The following NSMAF variants were observed in gnomAD, a reference collection of about 807,000 sequenced individuals.
The protein encoded by NSMAF is neutral sphingomyelinase activation associated factor, also known as protein FAN.
Under a neutral mutation model 134.9 loss-of-function variants are expected in NSMAF, and 90 were observed. The ratio of observed to expected loss-of-function variants is 0.67; its 90% CI spans 0.56 to 0.79. The LOEUF (loss-of-function observed/expected upper bound fraction) is 0.79. Among genes scored for constraint, NSMAF ranks in the 30% least tolerant of loss-of-function variants. The probability of loss-of-function intolerance (pLI) is 0.00; values close to 1 mark genes in which losing one functional copy is unlikely to be tolerated. For synonymous variants in NSMAF, 358 were observed against 389.6 expected (o/e 0.92, Z 0.96); for missense variants, 1,010 against 1,119.0 (o/e 0.90, Z 1.39).
At chr8:58,614,847 C>A (rs1341596100) in intron 9 of NSMAF, among the ~76,000 whole-genome samples, 1 of 152,066 alleles carries the variant, frequency 6.6e-6, no homozygotes, top group African/African-American at 2.4e-5. Context: ...TTAAAACCAG[C>A]TAGTGTATAA....
At chr8:58,615,532 C>T (rs1011114957) in intron 9 of NSMAF, among the ~76,000 whole-genome samples, 3 of 152,090 alleles carry the variant, frequency 2.0e-5, no homozygotes, top group African/African-American at 7.2e-5. Flanking sequence ...TATAAAATAT[C>T]TACTAAAAAT....
chr8:58,637,237 C>T, intron 2 of NSMAF: 1 of 436,290 alleles, frequency 2.3e-6, no homozygotes, highest in South Asian at 1.6e-5. Context: ...TCCTTACTTG[C>T]CAGTATGACA....
chr8:58,659,102 C>A, intron 1 of NSMAF: 2 of 1,155,486 alleles, frequency 1.7e-6, no homozygotes, highest in South Asian at 3.6e-5. Flanking sequence ...TCGGTGCCGC[C>A]CGGCGACCAA....
At chr8:58,625,398 G>A (rs185980798) in intron 6 of NSMAF, among the ~76,000 whole-genome samples, 4 of 73,568 alleles carry the variant, frequency 5.4e-5, no homozygotes, top group Admixed American at 1.1e-4. Context: ...ATATGCATAT[G>A]TATGTATGTA....
chr8:58,586,768 C>T (rs931255859), intron 27 of NSMAF, among the ~76,000 whole-genome samples, 160 bp from the exon 28 acceptor site: 12 of 152,088 alleles, frequency 7.9e-5, no homozygotes, highest in Admixed American at 2.0e-4. Flanking sequence ...CATCATCCTA[C>T]GGAATAACTT....
In NSMAF at chr8:58,586,450, A is replaced by G. The variant is rs373519664; in HGVS notation, c.2446+8T>C. 3 of 1,612,726 alleles carry G rather than the reference A, an allele frequency of 1.9e-6. No individual in the cohort carries two copies. The highest frequency in any genetic ancestry group is 1.3e-5 in the African/African-American group (1 of 74,668). ...AGTATTATCTGTTTTAAAAAGGATA[A>G]TATCTACCTGGGCTAAAAGCAGTGT... On this transcript the variant is annotated splice_region_variant and intron_variant, in intron 28 of 30. Coordinates refer to ENST00000038176, the MANE Select transcript of NSMAF (RefSeq NM_003580.4).
chr8:58,644,988 A>G (rs1193512494), intron 1 of NSMAF, among the ~76,000 whole-genome samples: 2 of 152,124 alleles, frequency 1.3e-5, no homozygotes, highest in Non-Finnish European at 2.9e-5. Context: ...GAGGAGGGAT[A>G]GCATTAGGAG....
intron 23 of NSMAF, among the ~76,000 whole-genome samples, chr8:58,593,064 C>T (rs1806054846): frequency 6.6e-6 from 1 of 152,216 alleles, no homozygotes; most frequent in South Asian, 2.1e-4. Flanking sequence ...AACGATTTAA[C>T]AAGCCATCCC....
chr8:58,658,466 G>A (rs1190457081), intron 1 of NSMAF, among the ~76,000 whole-genome samples: 1 of 152,184 alleles, frequency 6.6e-6, no homozygotes, highest in African/African-American at 2.4e-5. Context: ...TTACAGATTA[G>A]AGAAAGATGA....
intron 21 of NSMAF, among the ~76,000 whole-genome samples, chr8:58,596,444 T>TA (rs1806137268): frequency 6.6e-6 from 1 of 152,146 alleles, no homozygotes; most frequent in South Asian, 2.1e-4. Context: ...TTGTCTTAGG[T>TA]AAAATCTAAA....
At chr8:58,652,913 A>C (rs1807618525) in intron 1 of NSMAF, among the ~76,000 whole-genome samples, 1 of 152,234 alleles carries the variant, frequency 6.6e-6, no homozygotes, top group Non-Finnish European at 1.5e-5. Context: ...GGAAAGAGAA[A>C]ATAATTCCGT....
intron 9 of NSMAF, among the ~76,000 whole-genome samples, chr8:58,614,916 A>G (rs569108108): frequency 8.2e-4 from 125 of 152,294 alleles, no homozygotes; most frequent in African/African-American, 2.9e-3. Context: ...GTCAGAATGC[A>G]TAAAAAGCAA....
chr8:58,624,873 T>G lies in NSMAF; in HGVS notation c.385-1093A>C, dbSNP rs140238260. Among the ~76,000 whole-genome samples, 334 of 152,358 alleles carry G rather than the reference T, an allele frequency of 2.2e-3. 1 individual carries two copies. The highest frequency in any genetic ancestry group is 7.6e-3 in the African/African-American group (317 of 41,590). On this transcript the variant is annotated intron_variant, in intron 6 of 30. Transcript: ENST00000038176. ...ATCTCCTACCATTATTGTGTTGCTA[T>G]CTATTTCTCCCTTCAGTTCTATCAA...
chr8:58,599,633 T>A (rs1222251537), intron 18 of NSMAF, 117 bp downstream of exon 18: 1 of 1,173,994 alleles, frequency 8.5e-7, no homozygotes, highest in Non-Finnish European at 1.2e-6. Flanking sequence ...GGCTCATATA[T>A]CCTTATTTAG....
At chr8:58,592,473 TAGA>T (rs1193482967) in intron 23 of NSMAF, among the ~76,000 whole-genome samples, 2 of 152,182 alleles carry the variant, frequency 1.3e-5, no homozygotes, top group Non-Finnish European at 2.9e-5. Flanking sequence ...TACTGTATAC[TAGA>T]AGAAGATATG....
chr8:58,618,799 T>C (rs1806721451), intron 9 of NSMAF, among the ~76,000 whole-genome samples: 1 of 152,140 alleles, frequency 6.6e-6, no homozygotes, highest in Non-Finnish European at 1.5e-5. Context: ...TATATTCCTT[T>C]AACAAAAAAT....
intron 1 of NSMAF, among the ~76,000 whole-genome samples, chr8:58,655,089 T>C (rs972953648): frequency 2.0e-5 from 3 of 152,110 alleles, no homozygotes; most frequent in African/African-American, 7.2e-5. Flanking sequence ...TCCACCCACC[T>C]TGGCCTCCCA....
intron 6 of NSMAF, among the ~76,000 whole-genome samples, chr8:58,626,253 G>A (rs998369233): frequency 8.0e-5 from 12 of 149,174 alleles, no homozygotes; most frequent in Non-Finnish European, 1.5e-4. Flanking sequence ...CACTTGCCTC[G>A]CCCGGCTAAT....
At chr8:58,617,093 T>G (rs1235372456) in intron 9 of NSMAF, among the ~76,000 whole-genome samples, 2 of 152,170 alleles carry the variant, frequency 1.3e-5, no homozygotes, top group Non-Finnish European at 2.9e-5. Flanking sequence ...TTCTTAAATC[T>G]ACAATCATTA....
Sources: gnomAD v4.1 joint callset for allele counts (sites outside exome capture counted in the v4.1 genomes callset) on GRCh38, gnomAD v4.1.1 for gene constraint, MANE v1.5 for transcripts, NCBI Gene and HGNC (gene_info 2026-07-23, HGNC 2026-07-21) for gene names.